Variants in ANKRD42 observed in about 807,000 individuals in gnomAD.
ANKRD42 encodes the protein ankyrin repeat domain 42, also known as ankyrin repeat domain-containing protein 42.
A neutral mutation model predicts 51.5 loss-of-function variants in ANKRD42; 43 were observed. That is an observed-to-expected ratio of 0.83 (90% CI 0.65 to 1.08). ANKRD42 has a LOEUF of 1.08. Ranked by LOEUF, ANKRD42 falls within the 50% of genes least tolerant of loss-of-function variation. The probability of loss-of-function intolerance (pLI) is 0.00; values close to 1 mark genes in which losing one functional copy is unlikely to be tolerated. For synonymous variants in ANKRD42, 203 were observed against 213.0 expected (o/e 0.95, Z 0.41); for missense variants, 608 against 629.3 (o/e 0.97, Z 0.36).
At position 83,212,620 on chromosome 11, in the gene ANKRD42, G is replaced by A. The variant is rs746328139; in HGVS notation, c.586+1190G>A. 6.1e-6 allele frequency: 9 copies of A among 1,484,042 alleles called. No homozygotes were observed. In the South Asian group the frequency reaches 9.6e-5, roughly 16 times the overall value. 91.9% of individuals were successfully genotyped at this position (1,484,042 alleles called of 1,614,324 possible). A position where few individuals can be genotyped will look rare whatever the true frequency, so the allele number is the denominator to read the frequency against. ...ACAAAGGGGAAGGGCAGAATAATATGAACAGGCCTGATCAAATCACTTTGC... is the reference window on the plus strand; with the variant it reads ...ACAAAGGGGAAGGGCAGAATAATATAAACAGGCCTGATCAAATCACTTTGC... On this transcript the variant is annotated intron_variant, in intron 5 of 10. Coordinates refer to ENST00000533342, the MANE Select transcript of ANKRD42 (RefSeq NM_001300975.2).
intron 5 of ANKRD42, among the ~76,000 whole-genome samples, chr11:83,216,890 G>C (rs938362047): frequency 1.3e-5 from 2 of 152,292 alleles, no homozygotes; most frequent in Admixed American, 1.3e-4. Context: ...CACCCCAACT[G>C]CTGTTGGGAA....
chr11:83,240,043 G>C (rs188363280), intron 8 of ANKRD42, among the ~76,000 whole-genome samples: 47 of 152,286 alleles, frequency 3.1e-4, no homozygotes, highest in African/African-American at 1.1e-3. Context: ...GGTTATGTAA[G>C]TATGAGAAAA....
intron 7 of ANKRD42, among the ~76,000 whole-genome samples, chr11:83,234,617 T>G (rs886284636): frequency 1.3e-5 from 2 of 152,246 alleles, no homozygotes; most frequent in African/African-American, 4.8e-5. Context: ...ATTTCCCATA[T>G]GATAAAATGA....
At chr11:83,251,481 T>C (rs1446834931), downstream of ANKRD42, among the ~76,000 whole-genome samples, 1 of 152,208 alleles carries the variant, frequency 6.6e-6, no homozygotes, top group Non-Finnish European at 1.5e-5. Flanking sequence ...ACCATCTTCA[T>C]TTTATAAATG....
intron 9 of ANKRD42, among the ~76,000 whole-genome samples, chr11:83,241,192 G>C (rs1388678872): frequency 2.0e-5 from 3 of 152,144 alleles, no homozygotes; most frequent in African/African-American, 7.2e-5. Context: ...AGTGGATCAA[G>C]GAAACAGGGC....
At chr11:83,232,057 G>A (rs932993067) in intron 7 of ANKRD42, among the ~76,000 whole-genome samples, 3 of 149,310 alleles carry the variant, frequency 2.0e-5, no homozygotes, top group South Asian at 2.1e-4. Flanking sequence ...GCTTAAGATA[G>A]CTTTGGCTAC....
intron 6 of ANKRD42, among the ~76,000 whole-genome samples, chr11:83,226,767 C>T (rs758907598): frequency 6.6e-6 from 1 of 151,634 alleles, no homozygotes; most frequent in Admixed American, 6.6e-5. Flanking sequence ...TGAGCTGTGA[C>T]CACACCTCAG....
intron 9 of ANKRD42, among the ~76,000 whole-genome samples, chr11:83,241,477 G>A (rs1287387370): frequency 6.6e-6 from 1 of 152,134 alleles, no homozygotes; most frequent in African/African-American, 2.4e-5. Context: ...TGATGTTTGA[G>A]CAGAGACCTG....
At chr11:83,218,107 G>T (rs1862597255) in intron 5 of ANKRD42, among the ~76,000 whole-genome samples, 1 of 152,202 alleles carries the variant, frequency 6.6e-6, no homozygotes, top group African/African-American at 2.4e-5. Flanking sequence ...AGTTAGGGAG[G>T]TGTGCTTTCT....
chr11:83,238,188 G>A (rs1413696313), intron 8 of ANKRD42, among the ~76,000 whole-genome samples: 2 of 151,832 alleles, frequency 1.3e-5, no homozygotes, highest in Middle Eastern at 3.4e-3. Flanking sequence ...TCCATAATTC[G>A]ATTATCCACT....
intron 2 of ANKRD42, among the ~76,000 whole-genome samples, chr11:83,198,933 A>G (rs1026934720): frequency 5.9e-5 from 9 of 152,280 alleles, no homozygotes; most frequent in African/African-American, 2.2e-4. Flanking sequence ...CTGGAATATT[A>G]AAAAGCTGGG....
rs138527162 is a variant in ANKRD42 at position 83,239,536 on chromosome 11, G to A, written c.1020-1223G>A. ...AGAAGTTAGTGTTAGCTTTTATATT[G>A]AGGTCTGTGATCATTTTGAGTTAAT... On this transcript the variant is annotated intron_variant, in intron 8 of 10. Coordinates refer to ENST00000533342, the MANE Select transcript of ANKRD42 (RefSeq NM_001300975.2). Among the ~76,000 whole-genome samples the A allele has an allele frequency of 9.1e-4, 138 of 152,190 alleles. 1 individual carries two copies. Among genetic ancestry groups the A allele is most frequent in the South Asian group, 7.7e-3 (37 of 4,814 alleles).
Position 83,227,776 on chromosome 11 carries a change from T to C in ANKRD42, c.817T>C (p.Phe273Leu), listed in dbSNP as rs1238555017. 6.2e-7 allele frequency: 1 copy of C among 1,613,058 alleles called. No individual in the cohort carries two copies. Among genetic ancestry groups the C allele is most frequent in the Non-Finnish European group, 8.5e-7 (1 of 1,179,682 alleles). ...TLAFPGHVAAFKGDLGMLKKL... is the reference protein window; with the variant it reads ...TLAFPGHVAALKGDLGMLKKL... ...AGCATTTCCAGGTCATGTGGCTGCCTTTAAGGGTGATTTGGGGATGCTTAA... is the reference window on the plus strand; with the variant it reads ...AGCATTTCCAGGTCATGTGGCTGCCCTTAAGGGTGATTTGGGGATGCTTAA... The change falls in exon 7 of 11, where the codon TTT becomes CTT. Residue 273 changes from phenylalanine (F) to leucine (L), a missense_variant. Coordinates refer to ENST00000533342, the MANE Select transcript of ANKRD42 (RefSeq NM_001300975.2).
chr11:83,230,182 G>A (rs1863024116), intron 7 of ANKRD42, among the ~76,000 whole-genome samples: 1 of 152,174 alleles, frequency 6.6e-6, no homozygotes, highest in Non-Finnish European at 1.5e-5. Context: ...CTCCTGAGTA[G>A]CTGGGACTAC....
intron 5 of ANKRD42, among the ~76,000 whole-genome samples, chr11:83,224,088 A>G (rs1212265703): frequency 6.6e-6 from 1 of 152,022 alleles, no homozygotes; most frequent in Non-Finnish European, 1.5e-5. Context: ...AGCTTTAAAA[A>G]ATACCTTTTC....
intron 2 of ANKRD42, among the ~76,000 whole-genome samples, chr11:83,204,758 CT>C (rs1483507285): frequency 4.6e-5 from 7 of 151,896 alleles, no homozygotes; most frequent in African/African-American, 1.7e-4. Flanking sequence ...AGAAGAAAAC[CT>C]TTGCAAATCA....
chr11:83,202,546 T>C (rs1861911487), intron 2 of ANKRD42, among the ~76,000 whole-genome samples: 1 of 152,214 alleles, frequency 6.6e-6, no homozygotes, highest in Non-Finnish European at 1.5e-5. Flanking sequence ...GGTAGCTTGA[T>C]GGGAATAGCA....
chr11:83,257,227 A>G, downstream of ANKRD42: 1 of 439,342 alleles, frequency 2.3e-6, no homozygotes, highest in East Asian at 7.0e-5. Context: ...TGTGAGATAG[A>G]TGCAAGGGTC....
Position 83,248,163 on chromosome 11 carries a change from T to G in ANKRD42, c.1543T>G (p.Trp515Gly), listed in dbSNP as rs1035254503. 9.8e-6 allele frequency: 15 copies of G among 1,531,774 alleles called. No individual in the cohort carries two copies. The highest frequency in any genetic ancestry group is 1.4e-5 in the African/African-American group (1 of 72,496). The allele number at this position is 1,531,774 out of a possible 1,614,324, so 94.9% of individuals were successfully genotyped here. The change falls in exon 11 of 11, where the codon TGG becomes GGG. Residue 515 changes from tryptophan (W) to glycine (G), a missense_variant. By Grantham distance (184) the Trp-to-Gly change is radical. Transcript: ENST00000533342. ...QEWPRVQALGWGSLDLNPGYS... is the reference protein window; with the variant it reads ...QEWPRVQALGGGSLDLNPGYS... ...GTGGCCAAGAGTACAAGCTTTGGGCTGGGGCTCTTTGGACTTGAATCCTGG... is the reference window on the plus strand; with the variant it reads ...GTGGCCAAGAGTACAAGCTTTGGGCGGGGGCTCTTTGGACTTGAATCCTGG...
Sources: allele counts gnomAD v4.1 joint callset (sites outside exome capture counted in the v4.1 genomes callset), GRCh38; gene constraint gnomAD v4.1.1; transcripts MANE v1.5; gene names NCBI Gene and HGNC (gene_info 2026-07-23, HGNC 2026-07-21).